The following MTAP variants were observed in gnomAD, a reference collection of about 807,000 sequenced individuals.
MTAP encodes S-methyl-5'-thioadenosine phosphorylase.
Under a neutral mutation model 33.6 loss-of-function variants are expected in MTAP, and 33 were observed. The ratio of observed to expected loss-of-function variants is 0.98; its 90% CI spans 0.74 to 1.31. The LOEUF (loss-of-function observed/expected upper bound fraction) is 1.31. MTAP is among the 40% of genes most tolerant of loss of function. The pLI, the probability that MTAP is intolerant of heterozygous loss-of-function variation, is 0.00. For synonymous variants in MTAP, 148 were observed against 125.7 expected, an observed-to-expected ratio of 1.18 and a Z score of -1.19; for missense variants, 367 against 360.0, an observed-to-expected ratio of 1.02 and a Z score of -0.16.
At chr9:21,872,765 AAG>A (rs1380824007) in intron 1 of MTAP, among the ~76,000 whole-genome samples, 1 of 152,190 alleles carries the variant, frequency 6.6e-6, no homozygotes. Context: ...TGGAGGAGAA[AAG>A]AGAGAAGTAG....
At chr9:21,822,631 A>G (rs574933202) in intron 4 of MTAP, among the ~76,000 whole-genome samples, 18 of 152,200 alleles carry the variant, frequency 1.2e-4, no homozygotes, top group Non-Finnish European at 2.9e-5. Flanking sequence ...AGAGTTCTGT[A>G]GATGTCTGTT....
chr9:21,868,010 T>C (rs1825881348), downstream of MTAP, among the ~76,000 whole-genome samples: 2 of 152,096 alleles, frequency 1.3e-5, no homozygotes, highest in Non-Finnish European at 1.5e-5. Flanking sequence ...CAAAAATACA[T>C]AGAGTAAAAT....
chr9:21,806,639 G>C (rs780601927), intron 1 of MTAP, among the ~76,000 whole-genome samples: 3 of 152,098 alleles, frequency 2.0e-5, no homozygotes, highest in Admixed American at 1.3e-4. Context: ...TATTACCTGG[G>C]GGGTAGCCAT....
chr9:21,912,619 G>C (rs1052580378), intron 1 of MTAP, among the ~76,000 whole-genome samples: 1 of 152,202 alleles, frequency 6.6e-6, no homozygotes, highest in African/African-American at 2.4e-5. Flanking sequence ...GCTAGGTATT[G>C]TTGGGATGTA....
intron 1 of MTAP, chr9:21,812,055 A>G (rs1587198301): frequency 4.2e-6 from 1 of 240,136 alleles, no homozygotes; most frequent in Non-Finnish European, 8.3e-6. Flanking sequence ...GCAGGCAGCC[A>G]TCATATTCTT....
intron 1 of MTAP, among the ~76,000 whole-genome samples, chr9:21,887,379 C>G (rs1186404692): frequency 1.3e-5 from 2 of 151,838 alleles, no homozygotes; most frequent in Admixed American, 6.6e-5. Flanking sequence ...TTCTGCCCTT[C>G]CAATAGTTTG....
intron 1 of MTAP, chr9:21,811,630 C>T (rs983479169): frequency 5.9e-6 from 3 of 511,152 alleles, no homozygotes; most frequent in Non-Finnish European, 1.2e-5. Flanking sequence ...GGCCACCTAC[C>T]TCCTCCTTGG....
At chr9:21,829,363 T>C (rs1270847564) in intron 4 of MTAP, among the ~76,000 whole-genome samples, 1 of 152,178 alleles carries the variant, frequency 6.6e-6, no homozygotes, top group Non-Finnish European at 1.5e-5. Flanking sequence ...ACGTTGGTTC[T>C]TTCTTCCCAA....
intron 1 of MTAP, among the ~76,000 whole-genome samples, chr9:21,915,045 TTCCTTCCTTC>T (rs1563869452): frequency 1.7e-4 from 19 of 112,970 alleles, no homozygotes; most frequent in Non-Finnish European, 2.3e-4. Context: ...CCTTCCTTCC[TTCCTTCCTTC>T]CTTTCTTTCT....
At chr9:21,899,679 T>G (rs184215608) in intron 1 of MTAP, among the ~76,000 whole-genome samples, 1 of 152,210 alleles carries the variant, frequency 6.6e-6, no homozygotes, top group East Asian at 1.9e-4. Flanking sequence ...ACTCACTCAT[T>G]GTCATGAGAA....
intron 1 of MTAP, among the ~76,000 whole-genome samples, chr9:21,914,155 A>T (rs903867658): frequency 5.3e-5 from 8 of 152,220 alleles, no homozygotes; most frequent in Admixed American, 2.0e-4. Context: ...GGATGTGGAG[A>T]AATAGGAACA....
chr9:21,895,533 C>A (rs1818276225), intron 1 of MTAP, among the ~76,000 whole-genome samples: 1 of 152,192 alleles, frequency 6.6e-6, no homozygotes, highest in South Asian at 2.1e-4. Context: ...CCGGGAAATG[C>A]CAGGGGTCGG....
At chr9:21,809,110 T>C (rs1824281363) in intron 1 of MTAP, 1 of 152,336 alleles carries the variant, frequency 6.6e-6, no homozygotes, top group East Asian at 1.9e-4. Context: ...ATGTCCCCTT[T>C]TCTCTCCCTC....
intron 1 of MTAP, among the ~76,000 whole-genome samples, chr9:21,874,956 A>G (rs1307129001): frequency 1.3e-5 from 2 of 150,908 alleles, no homozygotes; most frequent in African/African-American, 4.9e-5. Flanking sequence ...TTGGTTTTCT[A>G]TTGGAATGAT....
intron 1 of MTAP, chr9:21,930,044 C>T (rs958876865): frequency 1.7e-5 from 7 of 416,520 alleles, no homozygotes; most frequent in African/African-American, 1.4e-4. Context: ...CCAGCAATGC[C>T]CAAGCTCATG....
downstream of MTAP, chr9:21,931,223 A>G: frequency 1.4e-6 from 1 of 693,032 alleles, no homozygotes; most frequent in Non-Finnish European, 2.6e-6. Flanking sequence ...CCCACAGAAC[A>G]ATCACCATCA....
intron 1 of MTAP, among the ~76,000 whole-genome samples, chr9:21,808,258 T>C (rs942904276): frequency 3.2e-4 from 48 of 152,252 alleles, no homozygotes; most frequent in African/African-American, 1.0e-3. Flanking sequence ...CTGTTGCTGC[T>C]ATAACAATTT....
chr9:21,926,807 G>A (rs552989077), intron 1 of MTAP, among the ~76,000 whole-genome samples: 3 of 152,044 alleles, frequency 2.0e-5, no homozygotes, highest in Admixed American at 6.5e-5. Flanking sequence ...GATGTCTAAG[G>A]CCAAGGCACA....
chr9:21,856,140 A>G, intron 6 of MTAP: 1 of 984,964 alleles, frequency 1.0e-6, no homozygotes, highest in Non-Finnish European at 1.2e-6. Context: ...CATTTATCTC[A>G]TTTTAAGATA....
Sources: gnomAD v4.1 joint callset for allele counts (sites outside exome capture counted in the v4.1 genomes callset) on GRCh38, gnomAD v4.1.1 for gene constraint, MANE v1.5 for transcripts, NCBI Gene and HGNC (gene_info 2026-07-23, HGNC 2026-07-21) for gene names.